PCDHA12: variants seen among roughly 807,000 people sequenced by gnomAD.
PCDHA12 encodes protocadherin alpha-12.
A neutral mutation model predicts 60.0 loss-of-function variants in PCDHA12; 44 were observed. The ratio of observed to expected loss-of-function variants is 0.73; its 90% confidence interval spans 0.58 to 0.94. PCDHA12 has a LOEUF of 0.94. PCDHA12 is among the 40% of genes least tolerant of loss of function. The probability of loss-of-function intolerance (pLI) is 0.00; values close to 1 mark genes in which losing one functional copy is unlikely to be tolerated. For synonymous variants in PCDHA12, 569 were observed against 553.0 expected (o/e 1.03, Z -0.40); for missense variants, 1,276 against 1,239.7 (o/e 1.03, Z -0.44).
At chr5:140,986,946 G>A (rs544796668) in intron 3 of PCDHA12, among the ~76,000 whole-genome samples, 9 of 152,230 alleles carry the variant, frequency 5.9e-5, no homozygotes, top group South Asian at 2.1e-4. Context: ...GGGTGTGGTC[G>A]CTCATGCCTG....
At chr5:140,906,257 C>A (rs1394766953) in intron 1 of PCDHA12, among the ~76,000 whole-genome samples, 2 of 152,168 alleles carry the variant, frequency 1.3e-5, no homozygotes, top group Non-Finnish European at 2.9e-5. Flanking sequence ...ATACACACCT[C>A]CTGAAATTAT....
intron 1 of PCDHA12, chr5:140,883,283 G>A (rs782514861): frequency 1.2e-6 from 2 of 1,614,034 alleles, no homozygotes; most frequent in Admixed American, 3.3e-5. Context: ...CCTTTTGGTG[G>A]AAGTACTAGA....
intron 3 of PCDHA12, among the ~76,000 whole-genome samples, chr5:140,986,402 A>G (rs782590214): frequency 6.6e-6 from 1 of 152,192 alleles, no homozygotes; most frequent in Non-Finnish European, 1.5e-5. Context: ...CCAGTCGCTC[A>G]TGTTACAGCT....
At chr5:140,920,713 G>A (rs140720388) in intron 1 of PCDHA12, among the ~76,000 whole-genome samples, 41 of 152,140 alleles carry the variant, frequency 2.7e-4, no homozygotes, top group African/African-American at 9.6e-4. Context: ...GCATGGTGGT[G>A]TGCGCCTGCA....
intron 3 of PCDHA12, among the ~76,000 whole-genome samples, chr5:140,984,683 T>A (rs1481664684): frequency 6.6e-6 from 1 of 152,200 alleles, no homozygotes; most frequent in East Asian, 1.9e-4. Flanking sequence ...GGACTCAATA[T>A]ATGTTCTGCA....
rs1486042569 is a variant in PCDHA12 at position 140,880,105 on chromosome 5, A to G, written c.2367+2266A>G. On this transcript the variant is annotated intron_variant, in intron 1 of 3. Coordinates refer to ENST00000398631, the MANE Select transcript of PCDHA12 (RefSeq NM_018903.4). ...ATTATAGTAGGCTTAAAATCATAGAAGGATAGACAACAGGAAGCTGAAATA... is the reference window on the plus strand; with the variant it reads ...ATTATAGTAGGCTTAAAATCATAGAGGGATAGACAACAGGAAGCTGAAATA... 1.8e-4 allele frequency among the ~76,000 whole-genome samples: 28 copies of G among 152,256 alleles called. 1 individual carries two copies. Among genetic ancestry groups the G allele is most frequent in the Admixed American group, 1.8e-3 (28 of 15,292 alleles).
At chr5:140,893,380 C>A (rs1554185596) in intron 1 of PCDHA12, among the ~76,000 whole-genome samples, 1 of 152,130 alleles carries the variant, frequency 6.6e-6, no homozygotes, top group African/African-American at 2.4e-5. Context: ...ATTTATGGGA[C>A]AGTGGCTCAT....
At chr5:140,968,668 G>A (rs1365342675) in intron 1 of PCDHA12, 3 of 1,614,038 alleles carry the variant, frequency 1.9e-6, no homozygotes, top group African/African-American at 1.3e-5. Flanking sequence ...ACCTCTTTAA[G>A]GTAGAGCTGC....
At chr5:140,886,436 T>A (rs1434592910) in intron 1 of PCDHA12, among the ~76,000 whole-genome samples, 2 of 152,158 alleles carry the variant, frequency 1.3e-5, no homozygotes, top group African/African-American at 4.8e-5. Context: ...TATTCATTTG[T>A]TTGTACTAAT....
chr5:140,976,812 G>A (rs2096732233), intron 1 of PCDHA12, among the ~76,000 whole-genome samples: 1 of 152,178 alleles, frequency 6.6e-6, no homozygotes, highest in Non-Finnish European at 1.5e-5. Flanking sequence ...CTGAAGATAT[G>A]CATGTGTCTA....
Position 140,987,904 on chromosome 5 carries a change from G to T in PCDHA12, c.2515+5341G>T, listed in dbSNP as rs115515462. 1.9e-3 allele frequency among the ~76,000 whole-genome samples: 290 copies of T among 151,852 alleles called. 1 individual carries two copies. The highest frequency in any genetic ancestry group is 7.0e-3 in the African/African-American group (288 of 41,412). On this transcript the variant is annotated intron_variant, in intron 3 of 3. Transcript: ENST00000398631. ...GTTTATGTGCCCTAGTTTTATATGG[G>T]GATTTATATTCTTAATTGTCTCAAG...
intron 1 of PCDHA12, among the ~76,000 whole-genome samples, chr5:140,946,637 G>T: frequency 1.5e-5 from 1 of 64,620 alleles, no homozygotes; most frequent in African/African-American, 1.0e-4. Flanking sequence ...TATATACAAT[G>T]GAATACTCAT....
At chr5:140,909,065 A>G (rs1402526950) in intron 1 of PCDHA12, among the ~76,000 whole-genome samples, 3 of 152,218 alleles carry the variant, frequency 2.0e-5, no homozygotes, top group Admixed American at 6.5e-5. Flanking sequence ...TGTCTCACCA[A>G]TAAGCCCAGT....
At chr5:140,990,429 C>A (rs2097393514) in intron 3 of PCDHA12, among the ~76,000 whole-genome samples, 1 of 152,144 alleles carries the variant, frequency 6.6e-6, no homozygotes, top group African/African-American at 2.4e-5. Context: ...CAGCATTGAC[C>A]CAATCTTGTG....
At chr5:140,942,588 ATATAAT>A (rs1164852863) in intron 1 of PCDHA12, among the ~76,000 whole-genome samples, 1 of 149,588 alleles carries the variant, frequency 6.7e-6, no homozygotes, top group Non-Finnish European at 1.5e-5. Flanking sequence ...AGGATGTCAC[ATATAAT>A]TATAGTGTTT....
At position 140,877,766 on chromosome 5, in the gene PCDHA12, C is replaced by T; in HGVS notation, c.2294C>T (p.Pro765Leu). The change falls in exon 1 of 4, where the codon CCC (proline) becomes CTC (leucine). Residue 765 changes from proline to leucine, a missense_variant. Physicochemically the swap from Pro to Leu is moderately conservative, Grantham distance 98. Transcript: ENST00000398631. ...RQRVCSAESP[P>L]KTDLMAFSPS... ...AGGGTGTGCTCTGCAGAGAGCCCGC[C>T]CAAGACGGACCTCATGGCCTTCAGC... 2 of 1,614,186 alleles carry T rather than the reference C, an allele frequency of 1.2e-6. No homozygotes were observed. The highest frequency in any genetic ancestry group is 2.2e-5 in the South Asian group (2 of 91,084).
intron 1 of PCDHA12, chr5:140,929,483 G>A: frequency 8.4e-7 from 1 of 1,192,950 alleles, no homozygotes; most frequent in Non-Finnish European, 1.1e-6. Context: ...AAGTATAGAA[G>A]TATTAGAAGA....
At chr5:140,983,481 T>A (rs782574681) in intron 3 of PCDHA12, among the ~76,000 whole-genome samples, 2 of 152,226 alleles carry the variant, frequency 1.3e-5, no homozygotes, top group Non-Finnish European at 2.9e-5. Context: ...TAATAGTAGT[T>A]ACTAATTATT....
Position 140,877,161 on chromosome 5 carries a change from G to C in PCDHA12, c.1689G>C (p.Pro563=), listed in dbSNP as rs2056901330. 6.2e-7 allele frequency: 1 copy of C among 1,613,828 alleles called. No individual in the cohort carries two copies. The highest frequency in any genetic ancestry group is 8.5e-7 in the Non-Finnish European group (1 of 1,179,848). ...TGCTGGACGAGAACGACAACGCGCC[G>C]GCACTGCTGGCGACTCCGGCTGGCA... is the stretch of plus-strand genomic sequence containing the variant. ...VFVLDENDNA[P]ALLATPAGSA... is the part of the protein sequence containing the mutation. Residue 563 remains proline (P), a synonymous_variant, in exon 1 of 4, where the codon CCG becomes CCC. Transcript: ENST00000398631.
Sources: gnomAD v4.1 joint callset for allele counts (sites outside exome capture counted in the v4.1 genomes callset) on GRCh38, gnomAD v4.1.1 for gene constraint, MANE v1.5 for transcripts, NCBI Gene and HGNC (gene_info 2026-07-23, HGNC 2026-07-21) for gene names.